The following PGBD5 variants were observed in gnomAD, a reference collection of about 807,000 sequenced individuals.
PGBD5 encodes piggyBac transposable element derived 5.
PGBD5 carries 14 observed loss-of-function variants against 47.9 expected under a neutral mutation model. The ratio of observed to expected loss-of-function variants is 0.29; its 90% confidence interval spans 0.19 to 0.46. PGBD5 has a LOEUF of 0.46. Ranked by LOEUF, PGBD5 falls within the 20% of genes least tolerant of loss-of-function variation. PGBD5 has a pLI of 1.00. For synonymous variants in PGBD5, 316 were observed against 306.3 expected (o/e 1.03, Z -0.33); for missense variants, 635 against 716.0 (o/e 0.89, Z 1.29).
intron 1 of PGBD5, among the ~76,000 whole-genome samples, chr1:230,367,791 C>T (rs934147608): frequency 2.6e-5 from 4 of 152,194 alleles, no homozygotes; most frequent in Non-Finnish European, 5.9e-5. Context: ...CTCCGGCATA[C>T]TCCGTGGAGG....
Position 230,315,739 on chromosome 1 carries a change from GTA to G in PGBD5, c.*7684_*7685del, listed in dbSNP as rs1432785252. The G allele has an allele frequency of 6.7e-6, 1 of 148,388 alleles. No homozygotes were observed. The highest frequency in any genetic ancestry group is 1.5e-5 in the Non-Finnish European group (1 of 67,000). The allele number at this position is 148,388 out of a possible 1,614,324, so 9.2% of individuals were successfully genotyped here. On this transcript the variant is annotated 3_prime_UTR_variant, in exon 7 of 7. Transcript: ENST00000391860. The stretch of plus-strand genomic sequence containing the variant: ...TAGATATATATATTAAGTGGACACT[GTA>G]TGTGTATATATACACATACATATAT...
chr1:230,330,140 A>G (rs1370269004), intron 5 of PGBD5, among the ~76,000 whole-genome samples: 1 of 152,200 alleles, frequency 6.6e-6, no homozygotes, highest in African/African-American at 2.4e-5. Context: ...AAATTAGCCA[A>G]TCAACACATG....
At chr1:230,405,058 G>A (rs916646526) in intron 1 of PGBD5, among the ~76,000 whole-genome samples, 4 of 151,080 alleles carry the variant, frequency 2.6e-5, no homozygotes, top group African/African-American at 9.7e-5. Context: ...AGCTGGGTGT[G>A]GTGGCAGGCG....
In PGBD5 at chr1:230,356,990, G is replaced by A; in HGVS notation, c.663C>T (p.Arg221=). 6.2e-7 allele frequency: 1 copy of A among 1,614,216 alleles called. No individual in the cohort carries two copies. Among genetic ancestry groups the A allele is most frequent in the Non-Finnish European group, 8.5e-7 (1 of 1,180,052 alleles). The change falls in exon 2 of 7, where the codon CGC becomes CGT. Residue 221 remains arginine (R), a synonymous_variant. Coordinates refer to ENST00000391860, the MANE Select transcript of PGBD5 (RefSeq NM_001258311.2). The part of the protein sequence containing the change: ...ILKYFHVVAF[R]SSQTTHGLYK... ...AGAGCCCGTGCGTGGTCTGGCTGGA[G>A]CGGAAGGCCACGACGTGGAAGTACT...
intron 1 of PGBD5, chr1:230,377,401 G>T: frequency 1.5e-6 from 2 of 1,328,172 alleles, no homozygotes; most frequent in Non-Finnish European, 2.1e-6. Flanking sequence ...CCTTCATAAA[G>T]GCAGAAGCTG....
In PGBD5 at chr1:230,396,195, C is replaced by CA. The variant is rs1656956162; in HGVS notation, c.331+29402_331+29403insT. Among the ~76,000 whole-genome samples the CA allele has an allele frequency of 3.7e-5, 4 of 107,768 alleles. 1 individual carries two copies. Among genetic ancestry groups the CA allele is most frequent in the Non-Finnish European group, 7.4e-5 (4 of 54,042 alleles). The allele number at this position is 107,768 out of a possible 152,430, so 70.7% of individuals were successfully genotyped here. A position where few individuals can be genotyped will look rare whatever the true frequency, so the allele number is the denominator to read the frequency against. On this transcript the variant is annotated intron_variant, in intron 1 of 6. Transcript: ENST00000391860. Reference sequence around the variant, plus strand: ...TTTTACCCACATTCCTTTTTACCCCCCCACTCTTCCCTTTTACTCACATTC... The same window carrying CA: ...TTTTACCCACATTCCTTTTTACCCCCACCACTCTTCCCTTTTACTCACATTC...
intron 5 of PGBD5, among the ~76,000 whole-genome samples, chr1:230,328,604 C>CA (rs1667161084): frequency 6.6e-6 from 1 of 152,190 alleles, no homozygotes; most frequent in South Asian, 2.1e-4. Flanking sequence ...GATCTGCACA[C>CA]ATGTCTATCT....
chr1:230,317,776 CCTTT>C lies in PGBD5; in HGVS notation c.*5645_*5648del, dbSNP rs1367695342. 1.3e-5 allele frequency: 2 copies of C among 152,208 alleles called. No homozygotes were observed. Among genetic ancestry groups the C allele is most frequent in the African/African-American group, 2.4e-5 (1 of 41,430 alleles). The allele number at this position is 152,208 out of a possible 1,614,324, so 9.4% of individuals were successfully genotyped here. On this transcript the variant is annotated 3_prime_UTR_variant, in exon 7 of 7. Transcript: ENST00000391860. ...TCACACAAGCCGATGTCCTCCCCGC[CCTTT>C]CTGTTTTCATCTCCAAATACATGCA...
rs546859566 is a variant in PGBD5, at chr1:230,403,461, G to A, written c.331+22137C>T. On this transcript the variant is annotated intron_variant, in intron 1 of 6. Transcript: ENST00000391860. Reference sequence around the variant, plus strand: ...GGTGCACTCAGTGTAGTTCCCAGTGGAGAGGTCCAGTGTAGGGCTTCTTCC... The same window carrying A: ...GGTGCACTCAGTGTAGTTCCCAGTGAAGAGGTCCAGTGTAGGGCTTCTTCC... Among the ~76,000 whole-genome samples the A allele has an allele frequency of 1.4e-4, 21 of 152,286 alleles. 1 individual carries two copies. The highest frequency in any genetic ancestry group is 6.2e-4 in the South Asian group (3 of 4,828).
intron 1 of PGBD5, among the ~76,000 whole-genome samples, chr1:230,367,320 C>T (rs1175095641): frequency 1.3e-5 from 2 of 152,186 alleles, no homozygotes; most frequent in Non-Finnish European, 2.9e-5. Context: ...TCCTCCTGCC[C>T]TCCAGGGACC....
chr1:230,339,596 T>C (rs890905345), intron 3 of PGBD5, among the ~76,000 whole-genome samples: 2 of 152,196 alleles, frequency 1.3e-5, no homozygotes, highest in South Asian at 2.1e-4. Context: ...CGCCAAGATA[T>C]GGAAACACAA....
At chr1:230,330,305 C>T (rs555333083) in intron 5 of PGBD5, among the ~76,000 whole-genome samples, 6 of 152,184 alleles carry the variant, frequency 3.9e-5, no homozygotes, top group Non-Finnish European at 8.8e-5. Flanking sequence ...CTGCGGCAAC[C>T]CATCACCAGA....
chr1:230,408,315 C>G (rs568284621), intron 1 of PGBD5, among the ~76,000 whole-genome samples: 1 of 137,674 alleles, frequency 7.3e-6, no homozygotes, highest in African/African-American at 2.5e-5. Flanking sequence ...AAACATTTAC[C>G]CACTTGGACA....
intron 4 of PGBD5, among the ~76,000 whole-genome samples, chr1:230,335,110 G>A (rs1485040631): frequency 8.3e-6 from 1 of 120,992 alleles, no homozygotes; most frequent in Non-Finnish European, 1.9e-5. Flanking sequence ...GACACACACA[G>A]ATACACAGAT....
chr1:230,395,389 C>T, intron 1 of PGBD5, among the ~76,000 whole-genome samples: 1 of 43,952 alleles, frequency 2.3e-5, no homozygotes, highest in Non-Finnish European at 4.6e-5. Flanking sequence ...TGCTCCTCCC[C>T]ATCCCTGAGC....
chr1:230,325,247 C>T (rs1667096719), intron 6 of PGBD5, 63 bp downstream of exon 6: 1 of 1,206,018 alleles, frequency 8.3e-7, no homozygotes, highest in Admixed American at 1.8e-5. Flanking sequence ...TCTGCCATTA[C>T]ATCTCTTCCG....
At chr1:230,361,073 C>T (rs1443762314) in intron 1 of PGBD5, among the ~76,000 whole-genome samples, 2 of 152,298 alleles carry the variant, frequency 1.3e-5, no homozygotes, top group East Asian at 1.9e-4. Flanking sequence ...TAGCAGCAGC[C>T]CTTCTGTCCC....
Position 230,323,727 on chromosome 1 carries a change from C to G in PGBD5, c.1380-107G>C. ...AGCCCGTGAGACGCTGCAGGTTCGC[C>G]CCCGACAGAAGCAGGAGGGCTATGG... On this transcript the variant is annotated intron_variant, in intron 6 of 6. Transcript: ENST00000391860. The surrounding 1 kb of genome is among the most constrained non-coding windows in gnomAD (Gnocchi z 4.1). The G allele has an allele frequency of 8.8e-7, 1 of 1,132,380 alleles. No individual in the cohort carries two copies. Among genetic ancestry groups the G allele is most frequent in the South Asian group, 1.5e-5 (1 of 66,714 alleles). The allele number at this position is 1,132,380 out of a possible 1,614,324, so 70.1% of individuals were successfully genotyped here.
intron 1 of PGBD5, among the ~76,000 whole-genome samples, chr1:230,399,268 T>C (rs1443668725): frequency 6.6e-6 from 1 of 152,268 alleles, no homozygotes; most frequent in Non-Finnish European, 1.5e-5. Context: ...TAAATTTTAC[T>C]GGTGTCCTGT....
Sources: gnomAD v4.1 joint callset for allele counts (sites outside exome capture counted in the v4.1 genomes callset) on GRCh38, gnomAD v4.1.1 for gene constraint, Gnocchi (gnomAD v3.1) non-coding constraint, MANE v1.5 for transcripts, NCBI Gene and HGNC (gene_info 2026-07-23, HGNC 2026-07-21) for gene names.